Variants in MTUS2 observed in about 807,000 individuals in gnomAD.
The protein encoded by MTUS2 is microtubule-associated tumor suppressor candidate 2.
A neutral mutation model predicts 114.1 loss-of-function variants in MTUS2; 40 were observed. That is an observed-to-expected ratio of 0.35 (90% CI 0.27 to 0.46). The LOEUF (loss-of-function observed/expected upper bound fraction) is 0.46. MTUS2 is among the 20% of genes least tolerant of loss of function. The pLI, the probability that MTUS2 is intolerant of heterozygous loss-of-function variation, is 1.00. For synonymous variants in MTUS2, 688 were observed against 672.0 expected (o/e 1.02, Z -0.37); for missense variants, 1,679 against 1,705.4 (o/e 0.98, Z 0.27).
intron 5 of MTUS2, among the ~76,000 whole-genome samples, chr13:29,142,123 G>C (rs1459026130): frequency 6.6e-6 from 1 of 151,870 alleles, no homozygotes; most frequent in Non-Finnish European, 1.5e-5. Context: ...GCCTCCCAAA[G>C]TGCTATGGGG....
At chr13:29,223,128 A>G (rs7322330) in intron 5 of MTUS2, among the ~76,000 whole-genome samples, 1,645 of 152,144 alleles carry the variant, frequency 0.011, 26 homozygotes, top group African/African-American at 0.038. Context: ...GTGAAACCCC[A>G]CCCTCATGTC....
intron 5 of MTUS2, among the ~76,000 whole-genome samples, chr13:29,192,531 TAGAA>T (rs144842075): frequency 0.084 from 12,770 of 152,160 alleles, 686 homozygotes; most frequent in African/African-American, 0.14. Context: ...CAGTTTCAAA[TAGAA>T]GGAAGATAGT....
intron 9 of MTUS2, among the ~76,000 whole-genome samples, chr13:29,464,693 T>C (rs906753595): frequency 6.6e-6 from 1 of 152,166 alleles, no homozygotes; most frequent in African/African-American, 2.4e-5. Context: ...ATTCACAACC[T>C]GAATTAGCGT....
At chr13:29,111,090 A>G (rs1251784185) in intron 5 of MTUS2, among the ~76,000 whole-genome samples, 1 of 152,186 alleles carries the variant, frequency 6.6e-6, no homozygotes, top group African/African-American at 2.4e-5. Flanking sequence ...TTTATTCTGT[A>G]TAAAAAATGG....
chr13:28,861,230 A>C (rs1255165227), intron 2 of MTUS2, among the ~76,000 whole-genome samples: 1 of 152,166 alleles, frequency 6.6e-6, no homozygotes, highest in African/African-American at 2.4e-5. Flanking sequence ...TGTTCGTGTG[A>C]GAGTATATAG....
At position 29,025,930 on chromosome 13, in the gene MTUS2, C is replaced by T. The variant is rs756729114; in HGVS notation, c.1232C>T (p.Thr411Ile). The change falls in exon 3 of 16, where the codon ACT becomes ATT. Residue 411 changes from threonine to isoleucine, a missense_variant. By Grantham distance (89) the Thr-to-Ile change is moderately conservative (BLOSUM62 -1). Coordinates refer to ENST00000612955, the MANE Select transcript of MTUS2 (RefSeq NM_001033602.4). ...TTAGGAGGGGCTGATAATCAGCCCA[C>T]TGGCAAAATTTCACCATGTGCAGGT... ...ASLGGADNQP[T>I]GKISPCAGEK... 7 of 1,613,820 alleles carry T rather than the reference C, an allele frequency of 4.3e-6. No individual in the cohort carries two copies. In the South Asian group the frequency reaches 7.7e-5, roughly 18 times the overall value.
intron 5 of MTUS2, among the ~76,000 whole-genome samples, chr13:29,117,530 C>T (rs927971176): frequency 3.3e-5 from 5 of 152,186 alleles, no homozygotes; most frequent in African/African-American, 9.6e-5. Context: ...ATGCAGGGCT[C>T]CTCCATCCCA....
At chr13:29,171,064 C>T (rs1271573283) in intron 5 of MTUS2, among the ~76,000 whole-genome samples, 2 of 152,052 alleles carry the variant, frequency 1.3e-5, no homozygotes, top group Non-Finnish European at 2.9e-5. Flanking sequence ...GATCATTGTG[C>T]ATATTCTTAC....
At chr13:29,489,393 C>T (rs1881891249) in intron 11 of MTUS2, among the ~76,000 whole-genome samples, 1 of 152,156 alleles carries the variant, frequency 6.6e-6, no homozygotes, top group African/African-American at 2.4e-5. Context: ...CCCAGTGTGC[C>T]ATAACCAAGG....
At chr13:29,347,097 C>G (rs1274112738) in intron 7 of MTUS2, among the ~76,000 whole-genome samples, 8 of 151,898 alleles carry the variant, frequency 5.3e-5, no homozygotes, top group Non-Finnish European at 1.2e-4. Flanking sequence ...TTCAGTAGTT[C>G]TTGGAGCCAG....
At chr13:29,104,052 A>G (rs1402494381) in intron 5 of MTUS2, among the ~76,000 whole-genome samples, 1 of 152,080 alleles carries the variant, frequency 6.6e-6, no homozygotes. Flanking sequence ...ATGAGATGGC[A>G]GGACCATTTG....
At chr13:28,847,260 T>G (rs1167822570) in intron 2 of MTUS2, among the ~76,000 whole-genome samples, 5 of 151,084 alleles carry the variant, frequency 3.3e-5, no homozygotes, top group African/African-American at 9.8e-5. Context: ...TCACTTGAGG[T>G]TTTTTTTTGG....
chr13:29,189,701 C>G (rs971855253), intron 5 of MTUS2, among the ~76,000 whole-genome samples: 5 of 152,098 alleles, frequency 3.3e-5, no homozygotes, highest in Admixed American at 2.0e-4. Context: ...TTGAATTAAA[C>G]TAGGAAGCTC....
chr13:28,865,059 CTGTGTATATGTGTG>C (rs1204919349), intron 2 of MTUS2, among the ~76,000 whole-genome samples: 1 of 151,902 alleles, frequency 6.6e-6, no homozygotes, highest in African/African-American at 2.4e-5. Context: ...GCATGTGTGT[CTGTGTATATGTGTG>C]TGTGTCTATG....
At chr13:29,157,514 A>T (rs1892911219) in intron 5 of MTUS2, among the ~76,000 whole-genome samples, 1 of 152,184 alleles carries the variant, frequency 6.6e-6, no homozygotes, top group Non-Finnish European at 1.5e-5. Context: ...ATGTTAACCA[A>T]AGTAGATACC....
intron 2 of MTUS2, among the ~76,000 whole-genome samples, chr13:28,854,526 A>G (rs780272787): frequency 1.3e-5 from 2 of 152,172 alleles, no homozygotes; most frequent in Admixed American, 6.5e-5. Flanking sequence ...TAGTCCATGA[A>G]CACATTGAGG....
intron 15 of MTUS2, 81 bp from the exon 16 acceptor site, chr13:29,502,912 T>C (rs1240997957): frequency 3.5e-6 from 5 of 1,420,502 alleles, no homozygotes; most frequent in Non-Finnish European, 4.9e-6. Context: ...GCCTCCTCCC[T>C]TTGCCCTGCA....
chr13:28,998,694 G>A lies in MTUS2; in HGVS notation c.-242-25763G>A, dbSNP rs574378166. On this transcript the variant is annotated intron_variant, in intron 2 of 15. Coordinates refer to ENST00000612955, the MANE Select transcript of MTUS2 (RefSeq NM_001033602.4). ...CCAGTTGATCGCATCGGTTACTGAG[G>A]CTTGTGCATTTGTCACGTAGTTCTT... 2.0e-4 allele frequency among the ~76,000 whole-genome samples: 31 copies of A among 152,240 alleles called. No homozygotes were observed. In the South Asian group the frequency reaches 6.4e-3, roughly 32 times the overall value.
At chr13:29,403,161 A>G (rs550214317) in intron 8 of MTUS2, among the ~76,000 whole-genome samples, 1 of 152,306 alleles carries the variant, frequency 6.6e-6, no homozygotes, top group Non-Finnish European at 1.5e-5. Flanking sequence ...AATTAAGTAT[A>G]GTATCTTCCC....
Sources: gnomAD v4.1 joint callset for allele counts (sites outside exome capture counted in the v4.1 genomes callset) on GRCh38, gnomAD v4.1.1 for gene constraint, MANE v1.5 for transcripts, NCBI Gene and HGNC (gene_info 2026-07-23, HGNC 2026-07-21) for gene names.